CEP85L: variants seen among roughly 807,000 people sequenced by gnomAD.
The protein encoded by CEP85L is centrosomal protein 85L.
A neutral mutation model predicts 100.3 loss-of-function variants in CEP85L; 60 were observed. The observed-to-expected ratio is 0.60, with a 90% confidence interval of 0.49 to 0.74. The LOEUF (loss-of-function observed/expected upper bound fraction) is 0.74. Ranked by LOEUF, CEP85L falls within the 30% of genes least tolerant of loss-of-function variation. CEP85L has a pLI of 0.00. For missense variants in CEP85L, 973 were observed against 936.2 expected, an observed-to-expected ratio of 1.04 and a Z score of -0.51; for synonymous variants, 319 against 322.7, an observed-to-expected ratio of 0.99 and a Z score of 0.12.
intron 12 of CEP85L, 110 bp from the exon 13 acceptor site, chr6:118,465,678 G>A: frequency 1.1e-6 from 1 of 915,902 alleles, no homozygotes; most frequent in Non-Finnish European, 1.6e-6. Flanking sequence ...CTGAATACCA[G>A]TGAGGCTCAG....
intron 5 of CEP85L, among the ~76,000 whole-genome samples, chr6:118,499,548 T>C (rs201098220): frequency 6.6e-6 from 1 of 151,562 alleles, no homozygotes; most frequent in African/African-American, 2.4e-5. Flanking sequence ...CCTGTAGTCC[T>C]AGCTACTCGG....
chr6:118,592,216 C>A (rs1781227352), intron 2 of CEP85L, among the ~76,000 whole-genome samples: 1 of 152,036 alleles, frequency 6.6e-6, no homozygotes, highest in African/African-American at 2.4e-5. Context: ...ATACAGACAT[C>A]TAGCACCAAT....
intron 1 of CEP85L, 145 bp downstream of exon 1, chr6:118,651,052 G>C: frequency 2.4e-6 from 3 of 1,266,166 alleles, no homozygotes; most frequent in Non-Finnish European, 3.1e-6. Flanking sequence ...TGCTGACAGC[G>C]GGGAGGACAC....
intron 6 of CEP85L, among the ~76,000 whole-genome samples, chr6:118,490,900 C>T (rs1375331687): frequency 2.0e-5 from 3 of 152,116 alleles, no homozygotes; most frequent in Non-Finnish European, 4.4e-5. Context: ...AGCACACACA[C>T]ACCACATTTT....
At chr6:118,529,709 C>A (rs187105138) in intron 3 of CEP85L, among the ~76,000 whole-genome samples, 2 of 151,838 alleles carry the variant, frequency 1.3e-5, no homozygotes, top group Non-Finnish European at 1.5e-5. Context: ...AAAGCCCTTT[C>A]CCTCTGACTA....
At chr6:118,518,792 T>G (rs1776436750) in intron 4 of CEP85L, among the ~76,000 whole-genome samples, 1 of 152,220 alleles carries the variant, frequency 6.6e-6, no homozygotes, top group Non-Finnish European at 1.5e-5. Flanking sequence ...TTGTTCGCTC[T>G]TGCCTCTCTA....
At chr6:118,640,772 C>T (rs1261000297) in intron 1 of CEP85L, among the ~76,000 whole-genome samples, 1 of 152,068 alleles carries the variant, frequency 6.6e-6, no homozygotes, top group Non-Finnish European at 1.5e-5. Context: ...TCAAGTGATC[C>T]GCCTGCTCAG....
intron 3 of CEP85L, among the ~76,000 whole-genome samples, chr6:118,558,648 C>CAGAGAGAG (rs1407950940): frequency 1.5e-5 from 2 of 137,158 alleles, no homozygotes; most frequent in African/African-American, 6.5e-5. Context: ...CACACACACA[C>CAGAGAGAG]ACACACACAC....
chr6:118,574,417 C>T (rs550272263), intron 2 of CEP85L, among the ~76,000 whole-genome samples: 45 of 152,338 alleles, frequency 3.0e-4, no homozygotes, highest in African/African-American at 9.9e-4. Flanking sequence ...TCGTTACTGA[C>T]GCAGGCACCA....
chr6:118,651,461 G>A lies in CEP85L; in HGVS notation c.-192C>T, dbSNP rs1775556650. On this transcript the variant is annotated 5_prime_UTR_variant, in exon 1 of 13. Coordinates refer to ENST00000368491, the MANE Select transcript of CEP85L (RefSeq NM_001042475.3). ...GGGCCAGATTCGCCGCACTGCCGGC[G>A]CCTGCCATGGCCAAGCCGGCTGGGC... The A allele has an allele frequency of 7.6e-7, 1 of 1,317,796 alleles. No individual in the cohort carries two copies. Among genetic ancestry groups the A allele is most frequent in the Non-Finnish European group, 9.6e-7 (1 of 1,037,068 alleles). The allele number at this position is 1,317,796 out of a possible 1,614,324, so 81.6% of individuals were successfully genotyped here.
intron 1 of CEP85L, among the ~76,000 whole-genome samples, chr6:118,683,358 T>C (rs1257359179): frequency 3.9e-5 from 6 of 152,196 alleles, no homozygotes; most frequent in Admixed American, 3.9e-4. Flanking sequence ...TTCCCCCACA[T>C]TGAATGTTTA....
chr6:118,616,155 G>C (rs1773029044), intron 2 of CEP85L, among the ~76,000 whole-genome samples: 1 of 152,116 alleles, frequency 6.6e-6, no homozygotes, highest in Non-Finnish European at 1.5e-5. Context: ...ACCAGGCAAA[G>C]AGTTCTTAAA....
At chr6:118,482,388 AACTTTCT>A (rs1440826768) in intron 7 of CEP85L, among the ~76,000 whole-genome samples, 1 of 152,138 alleles carries the variant, frequency 6.6e-6, no homozygotes, top group Non-Finnish European at 1.5e-5. Context: ...CCTGGTAACC[AACTTTCT>A]ACTTTCTATC....
intron 2 of CEP85L, among the ~76,000 whole-genome samples, chr6:118,612,259 T>TAA (rs370129041): frequency 2.8e-5 from 4 of 140,576 alleles, no homozygotes; most frequent in African/African-American, 7.8e-5. Context: ...ATAAGGCAAA[T>TAA]AAAAAAAAAA....
At chr6:118,522,853 T>G (rs919643526) in intron 4 of CEP85L, among the ~76,000 whole-genome samples, 2 of 148,418 alleles carry the variant, frequency 1.3e-5, no homozygotes, top group African/African-American at 5.0e-5. Context: ...CACTCCAGCC[T>G]GGGCGACAGA....
intron 4 of CEP85L, among the ~76,000 whole-genome samples, chr6:118,523,220 T>C (rs554786728): frequency 5.3e-5 from 8 of 152,318 alleles, no homozygotes; most frequent in South Asian, 2.1e-4. Flanking sequence ...AATATAATGA[T>C]GTAACATGAA....
At chr6:118,698,244 C>T (rs1421328411) in intron 1 of CEP85L, among the ~76,000 whole-genome samples, 2 of 152,204 alleles carry the variant, frequency 1.3e-5, no homozygotes, top group Admixed American at 1.3e-4. Flanking sequence ...AAAGTATAAA[C>T]TCACATGTCA....
At chr6:118,501,495 T>G (rs2114665227) in intron 5 of CEP85L, 1 of 453,980 alleles carries the variant, frequency 2.2e-6, no homozygotes, top group Non-Finnish European at 4.3e-6. Flanking sequence ...TTCTGTGATT[T>G]TATTGCTCCT....
chr6:118,610,619 C>A (rs1244421603), intron 2 of CEP85L, among the ~76,000 whole-genome samples: 2 of 152,090 alleles, frequency 1.3e-5, no homozygotes, highest in Non-Finnish European at 2.9e-5. Flanking sequence ...AAAGGCCTCA[C>A]AGGAAATTGG....
Sources: gnomAD v4.1 joint callset for allele counts (sites outside exome capture counted in the v4.1 genomes callset) on GRCh38, gnomAD v4.1.1 for gene constraint, MANE v1.5 for transcripts, NCBI Gene and HGNC (gene_info 2026-07-23, HGNC 2026-07-21) for gene names.